Variants in ABLIM1 observed in about 807,000 individuals in gnomAD.
ABLIM1 encodes actin binding LIM protein 1, also known as actin-binding LIM protein 1.
ABLIM1 carries 40 observed loss-of-function variants against 107.0 expected under a neutral mutation model. The observed-to-expected ratio is 0.37, with a 90% CI of 0.29 to 0.49. ABLIM1 has a LOEUF of 0.49. ABLIM1 is among the 20% of genes least tolerant of loss of function. The probability of loss-of-function intolerance (pLI) is 0.97; values close to 1 mark genes in which losing one functional copy is unlikely to be tolerated. For missense variants in ABLIM1, 857 were observed against 1,008.5 expected, an observed-to-expected ratio of 0.85 and a Z score of 2.04; for synonymous variants, 357 against 357.3, an observed-to-expected ratio of 1.00 and a Z score of 0.01.
At chr10:114,544,438 G>A (rs1565887700) in intron 6 of ABLIM1, among the ~76,000 whole-genome samples, 1 of 152,218 alleles carries the variant, frequency 6.6e-6, no homozygotes, top group Non-Finnish European at 1.5e-5. Flanking sequence ...GAGAAAGCAG[G>A]AAGAAAGCTC....
the ABLIM1 span, among the ~76,000 whole-genome samples, chr10:114,792,702 GT>G: frequency 6.6e-6 from 1 of 152,144 alleles, no homozygotes. Flanking sequence ...TCCCATGACT[GT>G]TAATACTGTT....
intron 1 of ABLIM1, among the ~76,000 whole-genome samples, chr10:114,681,727 G>T (rs905237702): frequency 2.0e-5 from 3 of 152,228 alleles, no homozygotes; most frequent in East Asian, 3.8e-4. Flanking sequence ...AGGTACCCTG[G>T]TGTGGTCACA....
chr10:114,496,102 T>C (rs1475697584), intron 6 of ABLIM1, among the ~76,000 whole-genome samples: 1 of 152,218 alleles, frequency 6.6e-6, no homozygotes, highest in Non-Finnish European at 1.5e-5. Flanking sequence ...GTGGTTTGGA[T>C]GCCAGTAAAA....
chr10:114,738,484 G>A (rs1412352445), intron 1 of ABLIM1, among the ~76,000 whole-genome samples: 1 of 152,160 alleles, frequency 6.6e-6, no homozygotes, highest in African/African-American at 2.4e-5. Flanking sequence ...GTACAAATGT[G>A]CACAAGATCT....
intron 12 of ABLIM1, among the ~76,000 whole-genome samples, chr10:114,455,098 T>C (rs548016368): frequency 1.9e-4 from 29 of 152,326 alleles, no homozygotes; most frequent in Non-Finnish European, 3.7e-4. Context: ...AAGATGTCAA[T>C]TGTTACCGTT....
chr10:114,440,180 A>G (rs2059989317), intron 19 of ABLIM1, 91 bp from the exon 20 acceptor site: 3 of 1,308,546 alleles, frequency 2.3e-6, no homozygotes, highest in Non-Finnish European at 3.3e-6. Flanking sequence ...GAAATTCCCA[A>G]CATATTCGCC....
intron 6 of ABLIM1, among the ~76,000 whole-genome samples, chr10:114,506,230 T>C (rs141747181): frequency 0.012 from 1,809 of 152,320 alleles, 16 homozygotes; most frequent in Non-Finnish European, 0.019. Flanking sequence ...CCATGGTGTA[T>C]AGATACCACA....
At chr10:114,465,879 C>A (rs777870998) in intron 11 of ABLIM1, 52 bp from the exon 12 acceptor site, 1 of 1,584,894 alleles carries the variant, frequency 6.3e-7, no homozygotes, top group Admixed American at 1.7e-5. Flanking sequence ...CAGTAGGAAC[C>A]ACGCTTCACA....
chr10:114,500,731 A>AG (rs2060294921), intron 6 of ABLIM1, among the ~76,000 whole-genome samples: 1 of 73,018 alleles, frequency 1.4e-5, no homozygotes, highest in African/African-American at 6.0e-5. Context: ...AGGAAGGGAA[A>AG]GGAAGGGAAG....
chr10:114,560,777 C>T (rs2138285449), intron 4 of ABLIM1, among the ~76,000 whole-genome samples: 1 of 152,192 alleles, frequency 6.6e-6, no homozygotes, highest in Middle Eastern at 3.4e-3. Flanking sequence ...AAGCCAGACA[C>T]AAAAGGCTAA....
At chr10:114,801,124 G>A in the ABLIM1 span, among the ~76,000 whole-genome samples, 7,837 of 152,008 alleles carry the variant, frequency 0.052, 665 homozygotes, top group African/African-American at 0.18. Context: ...ATATCATTTA[G>A]AAAATGATGC....
intron 2 of ABLIM1, 103 bp from the exon 3 acceptor site, chr10:114,575,702 G>C: frequency 8.0e-7 from 1 of 1,244,912 alleles, no homozygotes; most frequent in Non-Finnish European, 1.1e-6. Flanking sequence ...GATCTCAATG[G>C]TTTGGGGCTA....
In ABLIM1 at chr10:114,445,294, G is replaced by C. The variant is rs749925391; in HGVS notation, c.1827+18C>G. On this transcript the variant is annotated intron_variant, in intron 16 of 22. Coordinates refer to ENST00000533213, the MANE Select transcript of ABLIM1 (RefSeq NM_002313.7). ...TAACTAGCATTGAAGACAGCAGCAA[G>C]GTAGTTTAAGGACAAACCTTCATTA... 6.2e-7 allele frequency: 1 copy of C among 1,606,246 alleles called. No homozygotes were observed.
At chr10:114,635,859 C>T (rs1460892208) in intron 1 of ABLIM1, among the ~76,000 whole-genome samples, 1 of 152,196 alleles carries the variant, frequency 6.6e-6, no homozygotes, top group East Asian at 1.9e-4. Context: ...GCTCAGAATC[C>T]TTTCTAGCAG....
At chr10:114,665,122 A>C (rs2141303130) in intron 1 of ABLIM1, among the ~76,000 whole-genome samples, 1 of 152,208 alleles carries the variant, frequency 6.6e-6, no homozygotes, top group Non-Finnish European at 1.5e-5. Flanking sequence ...GTCTCAAAAA[A>C]AAAAAAAAGT....
upstream of ABLIM1, among the ~76,000 whole-genome samples, chr10:114,769,086 C>A (rs558518877): frequency 8.4e-5 from 12 of 143,344 alleles, no homozygotes; most frequent in Admixed American, 5.2e-4. Context: ...GTAATCCCAG[C>A]ACTTTGGGAG....
At chr10:114,746,824 G>C (rs933835799) in intron 1 of ABLIM1, among the ~76,000 whole-genome samples, 1 of 152,076 alleles carries the variant, frequency 6.6e-6, no homozygotes, top group Non-Finnish European at 1.5e-5. Context: ...TGGGCATTTT[G>C]CATCTGTTAG....
rs563365608 is a variant in ABLIM1, at chr10:114,748,931, C to G, written c.-213+19130G>C. Among the ~76,000 whole-genome samples the G allele has an allele frequency of 5.3e-5, 8 of 152,248 alleles. No homozygotes were observed. The East Asian group carries it at 1.5e-3, about 29-fold the overall frequency. ...CAAGCGATCCTTCTGCCTTGGCCTC[C>G]CAAAGTGCTGGGATTATAGCCATGA... is the stretch of plus-strand genomic sequence containing the variant. On this transcript the variant is annotated intron_variant, in intron 1 of 15. Transcript: ENST00000651092.
chr10:114,686,548 CT>C (rs1460335243), upstream of ABLIM1, among the ~76,000 whole-genome samples: 3 of 151,820 alleles, frequency 2.0e-5, no homozygotes, highest in East Asian at 5.8e-4. Context: ...GTGAAACCAA[CT>C]GCCTAGAAAC....
Sources: gnomAD v4.1 joint callset for allele counts (sites outside exome capture counted in the v4.1 genomes callset) on GRCh38, gnomAD v4.1.1 for gene constraint, MANE v1.5 for transcripts, NCBI Gene and HGNC (gene_info 2026-07-23, HGNC 2026-07-21) for gene names.